RASA1: variants seen among roughly 807,000 people sequenced by gnomAD.
RASA1 encodes RAS p21 protein activator 1, also known as ras GTPase-activating protein 1.
Under a neutral mutation model 132.2 loss-of-function variants are expected in RASA1, and 25 were observed. That is an observed-to-expected ratio of 0.19 (90% CI 0.14 to 0.26). The LOEUF is 0.26. RASA1 is among the 10% of genes least tolerant of loss of function. The pLI is 1.00. For missense variants in RASA1, 964 were observed against 1,299.2 expected (o/e 0.74, Z 3.97); for synonymous variants, 477 against 449.9 (o/e 1.06, Z -0.76).
Position 87,338,026 on chromosome 5 carries a change from A to T in RASA1, c.952A>T (p.Met318Leu), listed in dbSNP as rs1758098560. 1 of 1,612,202 alleles carries T rather than the reference A, an allele frequency of 6.2e-7. No individual in the cohort carries two copies. The highest frequency in any genetic ancestry group is 2.2e-5 in the East Asian group (1 of 44,646). The change falls in exon 5 of 25, where the codon ATG becomes TTG. Residue 318 changes from methionine (M) to leucine (L), a missense_variant. Met to Leu is a conservative substitution (Grantham distance 15). Coordinates refer to ENST00000274376, the MANE Select transcript of RASA1 (RefSeq NM_002890.3). ...IVHNELEDGW[M>L]WVTNLRTDEQ... is the part of the protein sequence containing the mutation. ...TCATAATGAATTAGAAGATGGATGGATGTGGGTTACAAATTTAAGAACAGA... is the reference window on the plus strand; with the variant it reads ...TCATAATGAATTAGAAGATGGATGGTTGTGGGTTACAAATTTAAGAACAGA...
At chr5:87,294,920 A>G (rs1162732450) in intron 1 of RASA1, among the ~76,000 whole-genome samples, 1 of 152,184 alleles carries the variant, frequency 6.6e-6, no homozygotes, top group Non-Finnish European at 1.5e-5. Context: ...TGCTGGCTGG[A>G]TCTGCCCATT....
chr5:87,338,255 C>G (rs960674950), intron 5 of RASA1, among the ~76,000 whole-genome samples, 164 bp downstream of exon 5: 1 of 151,842 alleles, frequency 6.6e-6, no homozygotes, highest in East Asian at 1.9e-4. Flanking sequence ...GGAACATAAT[C>G]AGGCTAGCAT....
chr5:87,343,848 A>T (rs1449280370), intron 6 of RASA1, among the ~76,000 whole-genome samples: 2 of 152,176 alleles, frequency 1.3e-5, no homozygotes, highest in African/African-American at 4.8e-5. Context: ...GGATAAAGAA[A>T]ATATAGTACA....
chr5:87,380,410 T>C (rs1761627089), intron 19 of RASA1, 99 bp from the exon 20 acceptor site: 3 of 1,100,756 alleles, frequency 2.7e-6, no homozygotes, highest in Admixed American at 1.7e-5. Flanking sequence ...GCCAGTTTTA[T>C]TGAACTGTGG....
intron 1 of RASA1, among the ~76,000 whole-genome samples, chr5:87,287,312 A>G (rs1271404268): frequency 6.8e-6 from 1 of 148,060 alleles, no homozygotes; most frequent in Non-Finnish European, 1.5e-5. Flanking sequence ...TATACACACC[A>G]TATATATACA....
At chr5:87,283,357 T>A (rs773335947) in intron 1 of RASA1, among the ~76,000 whole-genome samples, 6 of 151,966 alleles carry the variant, frequency 3.9e-5, no homozygotes, top group Non-Finnish European at 8.8e-5. Context: ...TTTATTTTCT[T>A]TTTCTCATCC....
rs999111403 is a variant in RASA1 at position 87,391,500 on chromosome 5, C to T, written c.*617C>T. The T allele has an allele frequency of 8.4e-6, 2 of 237,678 alleles. No homozygotes were observed. Among genetic ancestry groups the T allele is most frequent in the African/African-American group, 4.4e-5 (2 of 45,282 alleles). The allele number at this position is 237,678 out of a possible 1,614,324, so 14.7% of individuals were successfully genotyped here. A position where few individuals can be genotyped will look rare whatever the true frequency, so the allele number is the denominator to read the frequency against. On this transcript the variant is annotated 3_prime_UTR_variant, in exon 25 of 25. Coordinates refer to ENST00000274376, the MANE Select transcript of RASA1 (RefSeq NM_002890.3). ...AAAATATATAGAATGATCTATTGCTCATCAGCTTTATTTTTTAAACATACG... is the reference window on the plus strand; with the variant it reads ...AAAATATATAGAATGATCTATTGCTTATCAGCTTTATTTTTTAAACATACG...
chr5:87,358,897 C>T (rs1262534016), intron 9 of RASA1, among the ~76,000 whole-genome samples: 1 of 152,132 alleles, frequency 6.6e-6, no homozygotes, highest in Non-Finnish European at 1.5e-5. Context: ...TATCCACTAG[C>T]CTCACTCTTA....
At chr5:87,385,812 C>T (rs1023977329) in intron 22 of RASA1, among the ~76,000 whole-genome samples, 1 of 152,038 alleles carries the variant, frequency 6.6e-6, no homozygotes, top group Admixed American at 6.6e-5. Flanking sequence ...ATCATGCCTC[C>T]TGCTTTTGTC....
chr5:87,368,727 A>C (rs1760711385), intron 11 of RASA1, among the ~76,000 whole-genome samples: 1 of 152,132 alleles, frequency 6.6e-6, no homozygotes, highest in Admixed American at 6.6e-5. Context: ...CCTTTTAGGA[A>C]CTATTTTCTG....
Position 87,268,669 on chromosome 5 carries a change from G to A in RASA1, c.218G>A (p.Gly73Glu). Reference protein sequence around the residue: ...GGAALGSEFLGAGSVAGALGG... With the variant: ...GGAALGSEFLEAGSVAGALGG... ...GCCGCTTTGGGGTCAGAGTTCCTAGGAGCCGGGTCTGTGGCAGGGGCACTG... is the reference window on the plus strand; with the variant it reads ...GCCGCTTTGGGGTCAGAGTTCCTAGAAGCCGGGTCTGTGGCAGGGGCACTG... Residue 73 changes from glycine to glutamate, a missense_variant, in exon 1 of 25, where the codon GGA becomes GAA. This residue lies in a region of RASA1 where 326 missense variants were observed against 275.8 expected (regional missense o/e 1.18). Transcript: ENST00000274376. The A allele has an allele frequency of 6.2e-7, 1 of 1,611,286 alleles. No homozygotes were observed. Among genetic ancestry groups the A allele is most frequent in the Non-Finnish European group, 8.5e-7 (1 of 1,178,932 alleles).
chr5:87,322,032 G>A lies in RASA1; in HGVS notation c.540-9316G>A, dbSNP rs561912118. Among the ~76,000 whole-genome samples, 207 of 152,226 alleles carry A rather than the reference G, an allele frequency of 1.4e-3. 1 individual carries two copies. Among genetic ancestry groups the A allele is most frequent in the Non-Finnish European group, 1.9e-3 (129 of 68,004 alleles). On this transcript the variant is annotated intron_variant, in intron 1 of 24. Coordinates refer to ENST00000274376, the MANE Select transcript of RASA1 (RefSeq NM_002890.3). ...TGAATGTGTGTCCCCTCCAAATCTC[G>A]TATTTAATGAGACCTCCATTGTTGG...
In RASA1 at chr5:87,347,429, G is replaced by A. The variant is rs181098417; in HGVS notation, c.1102+705G>A. Among the ~76,000 whole-genome samples the A allele has an allele frequency of 6.2e-3, 943 of 151,964 alleles. 2 individuals carry two copies. Among genetic ancestry groups the A allele is most frequent in the Non-Finnish European group, 9.8e-3 (666 of 67,868 alleles). ...TTAAGGCTGAATTAATTTAAATACC[G>A]AGCATTTCTTTGGCAAACCACATCT... On this transcript the variant is annotated intron_variant, in intron 7 of 24. Transcript: ENST00000274376.
At chr5:87,331,294 A>G (rs1757581422) in intron 1 of RASA1, 54 bp from the exon 2 acceptor site, 1 of 1,520,164 alleles carries the variant, frequency 6.6e-7, no homozygotes. Context: ...AAGTGTCCAT[A>G]GAAATTCTGC....
At chr5:87,311,631 A>AT (rs1755919608) in intron 1 of RASA1, among the ~76,000 whole-genome samples, 1 of 152,234 alleles carries the variant, frequency 6.6e-6, no homozygotes, top group East Asian at 1.9e-4. Context: ...TGCCGCTCAC[A>AT]GCAGCAGTAT....
At chr5:87,386,962 A>AC (rs2112517587) in intron 23 of RASA1, 59 bp downstream of exon 23, 1 of 1,424,352 alleles carries the variant, frequency 7.0e-7, no homozygotes, top group South Asian at 1.2e-5. Context: ...AGCTGAGTTA[A>AC]CCCATTTAAG....
In RASA1 at chr5:87,308,554, A is replaced by G. The variant is rs139814878; in HGVS notation, c.540-22794A>G. The stretch of plus-strand genomic sequence containing the variant: ...ATGAACAATATAGGAAAAAGTCTTT[A>G]CTCCCTCATACCTCCATAATCTCAC... On this transcript the variant is annotated intron_variant, in intron 1 of 24. Coordinates refer to ENST00000274376, the MANE Select transcript of RASA1 (RefSeq NM_002890.3). 2.5e-3 allele frequency among the ~76,000 whole-genome samples: 387 copies of G among 152,188 alleles called. 1 individual carries two copies. Among genetic ancestry groups the G allele is most frequent in the African/African-American group, 8.8e-3 (365 of 41,528 alleles).
intron 1 of RASA1, among the ~76,000 whole-genome samples, chr5:87,311,197 GA>G (rs1755890046): frequency 6.6e-6 from 1 of 152,136 alleles, no homozygotes; most frequent in Admixed American, 6.5e-5. Flanking sequence ...TGGTTATTTA[GA>G]TTTCAGTATA....
At chr5:87,299,403 T>C (rs1303095935) in intron 1 of RASA1, among the ~76,000 whole-genome samples, 2 of 152,226 alleles carry the variant, frequency 1.3e-5, no homozygotes, top group East Asian at 1.9e-4. Context: ...TCCTCATGAT[T>C]GTTTCCTTTT....
Sources: allele counts gnomAD v4.1 joint callset (sites outside exome capture counted in the v4.1 genomes callset), GRCh38; gene constraint gnomAD v4.1.1; regional missense constraint gnomAD v4.1.1; transcripts MANE v1.5; gene names NCBI Gene and HGNC (gene_info 2026-07-23, HGNC 2026-07-21).